The following NNT variants were observed in gnomAD, a reference collection of about 807,000 sequenced individuals.
NNT encodes the protein nicotinamide nucleotide transhydrogenase, also known as NAD(P) transhydrogenase, mitochondrial.
In NNT, 50 loss-of-function variants were observed where a neutral mutation model predicts 104.8. The observed-to-expected ratio is 0.48, with a 90% CI of 0.38 to 0.60. NNT has a LOEUF of 0.60. Among genes scored for constraint, NNT ranks in the 20% least tolerant of loss-of-function variants. The pLI, the probability that NNT is intolerant of heterozygous loss-of-function variation, is 0.00. For missense variants in NNT, 1,131 were observed against 1,330.7 expected (o/e 0.85, Z 2.33); for synonymous variants, 461 against 490.4 (o/e 0.94, Z 0.79).
intron 18 of NNT, among the ~76,000 whole-genome samples, chr5:43,677,092 T>G (rs1741453254): frequency 6.6e-6 from 1 of 151,762 alleles, no homozygotes; most frequent in African/African-American, 2.4e-5. Flanking sequence ...AAATTTTGAG[T>G]TCTTTTTTTG....
chr5:43,656,858 G>A (rs1740083009), intron 16 of NNT, 45 bp downstream of exon 16: 12 of 1,535,932 alleles, frequency 7.8e-6, no homozygotes, highest in South Asian at 1.2e-5. Context: ...TGAAGAACTG[G>A]GAATATTTTG....
intron 19 of NNT, among the ~76,000 whole-genome samples, chr5:43,684,195 T>C (rs956763198): frequency 1.3e-5 from 2 of 152,062 alleles, no homozygotes; most frequent in African/African-American, 2.4e-5. Flanking sequence ...CCCTGAGATA[T>C]TTTCGTAAGC....
intron 19 of NNT, among the ~76,000 whole-genome samples, chr5:43,696,208 A>C (rs929683336): frequency 1.3e-5 from 2 of 152,238 alleles, no homozygotes; most frequent in Admixed American, 1.3e-4. Context: ...CAATTGGGTA[A>C]ATACACCCAT....
In NNT at chr5:43,622,865, G is replaced by T. The variant is rs796936078; in HGVS notation, c.688-1167G>T. 5.6e-3 allele frequency among the ~76,000 whole-genome samples: 781 copies of T among 138,510 alleles called. 7 individuals are homozygous for T. Among genetic ancestry groups the T allele is most frequent in the African/African-American group, 0.017 (640 of 37,884 alleles). 90.9% of individuals were successfully genotyped at this position (138,510 alleles called of 152,430 possible). ...TGCGATTCTGCTTTTTTAAATTATG[G>T]TTTTTTTTTTTTTTTGTTATGTCTT... is the stretch of plus-strand genomic sequence containing the variant. On this transcript the variant is annotated intron_variant, in intron 5 of 21. Transcript: ENST00000344920.
intron 19 of NNT, among the ~76,000 whole-genome samples, chr5:43,689,012 C>G (rs1007289211): frequency 6.6e-6 from 1 of 152,196 alleles, no homozygotes; most frequent in Admixed American, 6.5e-5. Context: ...TTCCCACCAG[C>G]TGTGTAAAAA....
intron 3 of NNT, among the ~76,000 whole-genome samples, chr5:43,615,159 AT>A (rs1348149341): frequency 1.3e-5 from 2 of 151,986 alleles, no homozygotes; most frequent in African/African-American, 4.8e-5. Context: ...ACAAAAAAAA[AT>A]AAATAAAATA....
chr5:43,659,490 G>T (rs1318262991), intron 17 of NNT, 140 bp downstream of exon 17: 1 of 662,396 alleles, frequency 1.5e-6, no homozygotes, highest in Non-Finnish European at 2.4e-6. Flanking sequence ...CAGCACTTTA[G>T]GAGGCCAAGG....
At chr5:43,682,205 A>ATTC (rs1302608040) in intron 19 of NNT, among the ~76,000 whole-genome samples, 3 of 124,048 alleles carry the variant, frequency 2.4e-5, no homozygotes, top group African/African-American at 8.9e-5. Flanking sequence ...GTCTAACTGG[A>ATTC]TTCTTTTTTT....
intron 19 of NNT, among the ~76,000 whole-genome samples, chr5:43,690,751 C>T (rs1309048582): frequency 6.6e-6 from 1 of 151,968 alleles, no homozygotes; most frequent in East Asian, 1.9e-4. Flanking sequence ...CACTGCCAAC[C>T]GTCCTTTGAG....
Position 43,609,274 on chromosome 5 carries a change from C to A in NNT, c.79C>A (p.Arg27Ser). ...LSNLGSCKGLRVKKDFLRTFY... is the reference protein window; with the variant it reads ...LSNLGSCKGLSVKKDFLRTFY... ...CAATTTGGGGTCCTGTAAGGGTCTA[C>A]GTGTGAAGAAGGATTTTTTACGAAC... Residue 27 changes from arginine (R) to serine (S), a missense_variant, in exon 2 of 22, where the codon CGT (arginine) becomes AGT (serine). Arg to Ser is a moderately radical substitution (Grantham distance 110). Coordinates refer to ENST00000344920, the MANE Select transcript of NNT (RefSeq NM_182977.3). 2.5e-6 allele frequency: 4 copies of A among 1,613,824 alleles called. No homozygotes were observed. The highest frequency in any genetic ancestry group is 3.4e-6 in the Non-Finnish European group (4 of 1,179,824).
At chr5:43,684,506 A>G (rs1360050234) in intron 19 of NNT, among the ~76,000 whole-genome samples, 1 of 152,072 alleles carries the variant, frequency 6.6e-6, no homozygotes, top group Non-Finnish European at 1.5e-5. Flanking sequence ...TTGACTCTAC[A>G]ACCCATCTCA....
At chr5:43,695,985 C>G (rs1561330853) in intron 19 of NNT, among the ~76,000 whole-genome samples, 1 of 152,130 alleles carries the variant, frequency 6.6e-6, no homozygotes, top group Admixed American at 6.6e-5. Context: ...GGTAGAGACA[C>G]AGCCAAACTG....
intron 7 of NNT, among the ~76,000 whole-genome samples, chr5:43,640,804 T>G (rs1751193012): frequency 6.6e-6 from 1 of 150,806 alleles, no homozygotes; most frequent in Non-Finnish European, 1.5e-5. Context: ...ATATATACAT[T>G]TTTCATATAT....
chr5:43,608,324 A>G (rs1749332721), intron 1 of NNT, among the ~76,000 whole-genome samples: 1 of 152,176 alleles, frequency 6.6e-6, no homozygotes, highest in African/African-American at 2.4e-5. Context: ...CTGGGGATCT[A>G]CTGAGGAATG....
intron 5 of NNT, 34 bp downstream of exon 5, chr5:43,619,153 G>T: frequency 2.3e-6 from 3 of 1,289,574 alleles, no homozygotes; most frequent in Non-Finnish European, 3.2e-6. Flanking sequence ...TTTATAATAT[G>T]CATTGATTAA....
At chr5:43,616,134 TTCTG>T in intron 4 of NNT, 69 bp downstream of exon 4, 2 of 1,223,928 alleles carry the variant, frequency 1.6e-6, no homozygotes, top group South Asian at 1.4e-5. Flanking sequence ...ACTGTAGCTC[TTCTG>T]TCTTACAGTG....
intron 16 of NNT, among the ~76,000 whole-genome samples, chr5:43,657,072 G>A (rs1029277502): frequency 3.3e-5 from 5 of 152,068 alleles, no homozygotes; most frequent in African/African-American, 4.8e-5. Flanking sequence ...TCTTTTCACC[G>A]GATCAATGTG....
At chr5:43,665,250 A>G (rs937343487) in intron 17 of NNT, among the ~76,000 whole-genome samples, 2 of 146,634 alleles carry the variant, frequency 1.4e-5, no homozygotes, top group Non-Finnish European at 3.0e-5. Flanking sequence ...ATTTTTTAGT[A>G]TTTATTGATC....
At chr5:43,646,455 A>T (rs1012091278) in intron 10 of NNT, among the ~76,000 whole-genome samples, 1 of 150,404 alleles carries the variant, frequency 6.6e-6, no homozygotes, top group African/African-American at 2.5e-5. Flanking sequence ...ACGCCCAGCT[A>T]ATTTTTGTAT....
Sources: allele counts gnomAD v4.1 joint callset (sites outside exome capture counted in the v4.1 genomes callset), GRCh38; gene constraint gnomAD v4.1.1; transcripts MANE v1.5; gene names NCBI Gene and HGNC (gene_info 2026-07-23, HGNC 2026-07-21).